The following HAS3 variants were observed in gnomAD, a reference collection of about 807,000 sequenced individuals.
The protein encoded by HAS3 is hyaluronan synthase 3.
Under a neutral mutation model 50.3 loss-of-function variants are expected in HAS3, and 27 were observed. The observed-to-expected ratio is 0.54, with a 90% confidence interval of 0.40 to 0.74. The LOEUF is 0.74. HAS3 is among the 30% of genes least tolerant of loss of function. HAS3 has a pLI of 0.00. For synonymous variants in HAS3, 339 were observed against 310.9 expected (o/e 1.09, Z -0.95); for missense variants, 517 against 742.8 (o/e 0.70, Z 3.53).
At chr16:69,088,132 G>A in the HAS3 span, among the ~76,000 whole-genome samples, 4 of 152,100 alleles carry the variant, frequency 2.6e-5, no homozygotes, top group South Asian at 2.1e-4. Context: ...CAACGACAAC[G>A]ATTTATCGAG....
At chr16:69,094,344 C>A in the HAS3 span, among the ~76,000 whole-genome samples, 2,503 of 152,308 alleles carry the variant, frequency 0.016, 35 homozygotes, top group Non-Finnish European at 0.027. Context: ...CCCCACCACA[C>A]ACACACACCT....
downstream of HAS3, chr16:69,118,207 G>T (rs1961307650): frequency 5.5e-6 from 3 of 543,162 alleles, 1 homozygote; most frequent in South Asian, 5.7e-5. Context: ...TACCAGTGAA[G>T]AGGGAGTTGG....
chr16:69,085,992 C>T, the HAS3 span, among the ~76,000 whole-genome samples: 3 of 150,332 alleles, frequency 2.0e-5, no homozygotes, highest in Non-Finnish European at 4.4e-5. Context: ...TCAGCACCCC[C>T]GAGTAGCTGG....
the HAS3 span, among the ~76,000 whole-genome samples, chr16:69,094,237 G>A: frequency 1.9e-4 from 29 of 152,138 alleles, no homozygotes; most frequent in African/African-American, 7.0e-4. Context: ...GCTCCTGGGT[G>A]GGGTTTTTCT....
chr16:69,114,474 C>T lies in HAS3; in HGVS notation c.870C>T (p.Tyr290=), dbSNP rs1382460386. The T allele has an allele frequency of 1.9e-6, 3 of 1,613,862 alleles. No homozygotes were observed. The highest frequency in any genetic ancestry group is 2.7e-5 in the African/African-American group (2 of 74,924). The change falls in exon 4 of 4, where the codon TAC becomes TAT. Residue 290 remains tyrosine, a synonymous_variant. Coordinates refer to ENST00000569188, the MANE Select transcript of HAS3 (RefSeq NM_001199280.2). The surrounding 1 kb of genome is among the most constrained non-coding windows in gnomAD (Gnocchi z 6.4). ...VQCISGPLGM[Y]RNSLLQQFLE... ...GTATTAGTGGGCCCTTGGGCATGTA[C>T]CGCAACAGCCTCCTCCAGCAGTTCC...
chr16:69,118,382 G>T (rs1486357781), downstream of HAS3: 4 of 1,611,958 alleles, frequency 2.5e-6, no homozygotes, highest in African/African-American at 2.7e-5. Flanking sequence ...GGCAGTAGAG[G>T]ATGACCAGGT....
chr16:69,118,501 C>T (rs755964740), downstream of HAS3: 4 of 1,202,038 alleles, frequency 3.3e-6, no homozygotes, highest in Non-Finnish European at 3.7e-6. Context: ...TACATGTGAA[C>T]TGGGACCTGC....
chr16:69,087,588 CA>C, the HAS3 span, among the ~76,000 whole-genome samples: 1 of 151,444 alleles, frequency 6.6e-6, no homozygotes, highest in Admixed American at 6.6e-5. Context: ...TTAGTAGAGA[CA>C]GGGTTTCACC....
upstream of HAS3, among the ~76,000 whole-genome samples, chr16:69,104,457 T>C (rs1960734502): frequency 6.6e-6 from 1 of 152,052 alleles, no homozygotes; most frequent in Non-Finnish European, 1.5e-5. Flanking sequence ...CCACCATGCC[T>C]GGCTAATTTT....
At chr16:69,105,342 C>A (rs1211607353), upstream of HAS3, among the ~76,000 whole-genome samples, 3 of 152,078 alleles carry the variant, frequency 2.0e-5, no homozygotes, top group East Asian at 5.8e-4. Flanking sequence ...CTCGATCTCA[C>A]CCCACCCCAG....
chr16:69,084,514 G>A, the HAS3 span: 1 of 152,376 alleles, frequency 6.6e-6, no homozygotes. Flanking sequence ...AGGCTGGAAA[G>A]AATGCATGCT....
chr16:69,093,790 A>G, the HAS3 span, among the ~76,000 whole-genome samples: 1 of 152,178 alleles, frequency 6.6e-6, no homozygotes, highest in South Asian at 2.1e-4. Flanking sequence ...TCAGCCTCCC[A>G]AAGTGCTAGG....
At position 69,115,082 on chromosome 16, in the gene HAS3, G is replaced by A; in HGVS notation, c.1478G>A (p.Gly493Glu). ...PVSIWVAVLL[G>E]GLAYTAYCQD... ...TCCATCTGGGTGGCAGTTCTCCTGG[G>A]AGGGCTGGCCTACACAGCTTATTGC... is the stretch of plus-strand genomic sequence containing the variant. Residue 493 changes from glycine to glutamate, a missense_variant, in exon 4 of 4, where the codon GGA (glycine) becomes GAA (glutamate). Transcript: ENST00000569188. 1 of 1,613,562 alleles carries A rather than the reference G, an allele frequency of 6.2e-7. No homozygotes were observed. The highest frequency in any genetic ancestry group is 1.1e-5 in the South Asian group (1 of 91,014).
chr16:69,103,913 A>G (rs1466028161), upstream of HAS3, among the ~76,000 whole-genome samples: 1 of 152,200 alleles, frequency 6.6e-6, no homozygotes, highest in Admixed American at 6.6e-5. Context: ...GCTTACTGGC[A>G]GACTCTAGAG....
chr16:69,099,742 T>C, the HAS3 span, among the ~76,000 whole-genome samples: 3 of 152,212 alleles, frequency 2.0e-5, no homozygotes, highest in African/African-American at 7.2e-5. Flanking sequence ...ATTCCTCCAT[T>C]GTCCTCATGA....
chr16:69,089,358 GC>G, the HAS3 span, among the ~76,000 whole-genome samples: 3 of 152,200 alleles, frequency 2.0e-5, no homozygotes, highest in Non-Finnish European at 4.4e-5. Flanking sequence ...AATTTCTGTG[GC>G]AAAGGGAGAG....
chr16:69,085,029 A>T, the HAS3 span: 4 of 152,338 alleles, frequency 2.6e-5, no homozygotes, highest in African/African-American at 9.7e-5. Flanking sequence ...TGTTTAAGGA[A>T]TATTTCCATT....
upstream of HAS3, among the ~76,000 whole-genome samples, chr16:69,101,547 C>A (rs997771865): frequency 9.3e-5 from 14 of 151,164 alleles, no homozygotes; most frequent in African/African-American, 3.4e-4. Flanking sequence ...TTCTTCCACC[C>A]TGGCCTCTCT....
chr16:69,086,522 A>ATGTGTGTGTGTGTGTGTG, the HAS3 span, among the ~76,000 whole-genome samples: 1 of 138,310 alleles, frequency 7.2e-6, no homozygotes, highest in Non-Finnish European at 1.6e-5. Flanking sequence ...TTTCTATATT[A>ATGTGTGTGTGTGTGTGTG]TGTGTGTGTG....
Sources: gnomAD v4.1 joint callset for allele counts (sites outside exome capture counted in the v4.1 genomes callset) on GRCh38, gnomAD v4.1.1 for gene constraint, Gnocchi (gnomAD v3.1) non-coding constraint, MANE v1.5 for transcripts, NCBI Gene and HGNC (gene_info 2026-07-23, HGNC 2026-07-21) for gene names.